PCDHA10: variants seen among roughly 807,000 people sequenced by gnomAD.
PCDHA10 encodes protocadherin alpha-10.
Under a neutral mutation model 61.2 loss-of-function variants are expected in PCDHA10, and 45 were observed. The ratio of observed to expected loss-of-function variants is 0.74; its 90% CI spans 0.58 to 0.94. The LOEUF (loss-of-function observed/expected upper bound fraction) is 0.94, where lower values mean the gene tolerates loss of function less well. Among genes scored for constraint, PCDHA10 ranks in the 40% least tolerant of loss-of-function variants. The pLI, the probability that PCDHA10 is intolerant of heterozygous loss-of-function variation, is 0.00. For missense variants in PCDHA10, 1,278 were observed against 1,236.2 expected (o/e 1.03, Z -0.51); for synonymous variants, 602 against 548.8 (o/e 1.10, Z -1.35).
At chr5:140,972,540 T>C (rs1375467339) in intron 1 of PCDHA10, among the ~76,000 whole-genome samples, 1 of 152,148 alleles carries the variant, frequency 6.6e-6, no homozygotes, top group East Asian at 1.9e-4. Context: ...AAATCACTTG[T>C]GCAGTGAGGA....
At chr5:140,869,037 C>G (rs547872988) in intron 1 of PCDHA10, 1 of 1,528,286 alleles carries the variant, frequency 6.5e-7, no homozygotes, top group African/African-American at 1.4e-5. Context: ...AGATTTTTAA[C>G]CTGAAACTGA....
chr5:140,925,088 A>G (rs536355365), intron 1 of PCDHA10, among the ~76,000 whole-genome samples: 11 of 151,436 alleles, frequency 7.3e-5, no homozygotes, highest in African/African-American at 2.7e-4. Context: ...CTGGAAAGGA[A>G]GGAAGGAAGG....
chr5:140,928,585 G>T, intron 1 of PCDHA10: 1 of 1,614,194 alleles, frequency 6.2e-7, no homozygotes, highest in Non-Finnish European at 8.5e-7. Context: ...AAATGGTTCT[G>T]TCCCAGTGGA....
intron 1 of PCDHA10, among the ~76,000 whole-genome samples, chr5:140,895,233 A>G (rs2064923914): frequency 3.3e-5 from 5 of 152,070 alleles, no homozygotes; most frequent in Admixed American, 2.6e-4. Context: ...GAGTTTTCTC[A>G]TCTCTCTTTT....
rs561529051 is a variant in PCDHA10 at position 140,929,034 on chromosome 5, C to G, written c.2389-49915C>G. On this transcript the variant is annotated intron_variant, in intron 1 of 3. Transcript: ENST00000307360. ...AGTTGCACCAGAGCCCAGGCTGTTGCGCTCAGAGCTGCTGTCGCTCTACAG... is the reference window on the plus strand; with the variant it reads ...AGTTGCACCAGAGCCCAGGCTGTTGGGCTCAGAGCTGCTGTCGCTCTACAG... 2.8e-5 allele frequency: 46 copies of G among 1,614,040 alleles called. No homozygotes were observed. The South Asian group carries it at 4.8e-4, about 17-fold the overall frequency.
chr5:140,858,415 T>C lies in PCDHA10; in HGVS notation c.2367T>C (p.Ile789=). Reference sequence around the variant, plus strand: ...ATGTGGACGGGGAAGATCAGTCTATTGGAGGGGACCACTCTAGGAAGGTGG... The same window carrying C: ...ATGTGGACGGGGAAGATCAGTCTATCGGAGGGGACCACTCTAGGAAGGTGG... The part of the protein sequence containing the change: ...MVDVDGEDQS[I]GGDHSRKPRQ... The change falls in exon 1 of 4, where the codon ATT becomes ATC. Residue 789 remains isoleucine, a synonymous_variant. Transcript: ENST00000307360. 1.9e-6 allele frequency: 3 copies of C among 1,561,830 alleles called. 1 individual carries two copies. The highest frequency in any genetic ancestry group is 2.6e-6 in the Non-Finnish European group (3 of 1,145,536).
intron 1 of PCDHA10, chr5:140,969,445 A>G (rs2096331821): frequency 1.9e-6 from 3 of 1,542,150 alleles, no homozygotes; most frequent in Non-Finnish European, 2.6e-6. Context: ...TATCTGGTAA[A>G]CTGAGTATAT....
intron 1 of PCDHA10, among the ~76,000 whole-genome samples, chr5:140,949,916 A>G (rs1350647225): frequency 6.6e-6 from 1 of 150,834 alleles, no homozygotes; most frequent in African/African-American, 2.4e-5. Flanking sequence ...AGATATAACT[A>G]TTTTTAGATT....
chr5:141,010,612 A>C lies in PCDHA10; in HGVS notation c.*675A>C. Reference sequence around the variant, plus strand: ...GTTGGCTGTGACGTCATTATACCTAAAATCTGCATCATACCTGCAAGCCAA... The same window carrying C: ...GTTGGCTGTGACGTCATTATACCTACAATCTGCATCATACCTGCAAGCCAA... On this transcript the variant is annotated 3_prime_UTR_variant, in exon 4 of 4. Transcript: ENST00000307360. 1 of 196,976 alleles carries C rather than the reference A, an allele frequency of 5.1e-6. No individual in the cohort carries two copies. The highest frequency in any genetic ancestry group is 1.0e-5 in the Non-Finnish European group (1 of 95,484). 12.2% of individuals were successfully genotyped at this position (196,976 alleles called of 1,614,324 possible). A position where few individuals can be genotyped will look rare whatever the true frequency, so the allele number is the denominator to read the frequency against.
At chr5:141,007,933 A>T (rs1168610845) in intron 3 of PCDHA10, among the ~76,000 whole-genome samples, 1 of 152,212 alleles carries the variant, frequency 6.6e-6, no homozygotes, top group African/African-American at 2.4e-5. Context: ...TGGAATTCTA[A>T]GCCACCTTTT....
chr5:140,897,461 A>G (rs1374397258), intron 1 of PCDHA10, among the ~76,000 whole-genome samples: 5 of 151,630 alleles, frequency 3.3e-5, no homozygotes, highest in African/African-American at 4.8e-5. Flanking sequence ...TCCTTGCGAT[A>G]GTTTACTGAG....
chr5:140,920,745 G>T (rs2079798907), intron 1 of PCDHA10, among the ~76,000 whole-genome samples: 1 of 151,878 alleles, frequency 6.6e-6, no homozygotes, highest in Admixed American at 6.6e-5. Flanking sequence ...TCAGGAGGCT[G>T]AGGCAGGAGA....
intron 1 of PCDHA10, among the ~76,000 whole-genome samples, chr5:140,922,795 G>C (rs1393016233): frequency 7.9e-5 from 12 of 152,152 alleles, no homozygotes; most frequent in African/African-American, 2.9e-4. Context: ...TGTAGCTTTG[G>C]AATACAGAAA....
chr5:140,920,054 C>A (rs1332238212), intron 1 of PCDHA10, among the ~76,000 whole-genome samples: 1 of 152,150 alleles, frequency 6.6e-6, no homozygotes, highest in Non-Finnish European at 1.5e-5. Context: ...CAGCCACCAA[C>A]ACCTGGAAAA....
At chr5:141,005,701 CAAA>C (rs59860837) in intron 3 of PCDHA10, among the ~76,000 whole-genome samples, 30 of 7,778 alleles carry the variant, frequency 3.9e-3, no homozygotes, top group African/African-American at 0.012. Context: ...AACTCCGTCT[CAAA>C]AAAAAAAAAA....
At chr5:140,940,822 A>G (rs1446773813) in intron 1 of PCDHA10, among the ~76,000 whole-genome samples, 9 of 152,200 alleles carry the variant, frequency 5.9e-5, no homozygotes, top group Admixed American at 3.9e-4. Context: ...GAGATCTTGG[A>G]TGGAAATACC....
chr5:140,884,766 T>G, intron 1 of PCDHA10: 1 of 1,416,492 alleles, frequency 7.1e-7, no homozygotes, highest in Non-Finnish European at 9.3e-7. Context: ...TTCTTTACTT[T>G]AATTTTAATT....
At chr5:141,003,324 C>T (rs909788744) in intron 3 of PCDHA10, among the ~76,000 whole-genome samples, 4 of 152,132 alleles carry the variant, frequency 2.6e-5, no homozygotes, top group African/African-American at 9.7e-5. Flanking sequence ...TTCCAGAGGG[C>T]AGGGTTTTTT....
chr5:140,967,234 G>A (rs781912172), intron 1 of PCDHA10: 3 of 1,613,746 alleles, frequency 1.9e-6, no homozygotes, highest in South Asian at 1.1e-5. Context: ...ACCAGCTTCA[G>A]GTAAGCGAAT....
Sources: allele counts gnomAD v4.1 joint callset (sites outside exome capture counted in the v4.1 genomes callset), GRCh38; gene constraint gnomAD v4.1.1; transcripts MANE v1.5; gene names NCBI Gene and HGNC (gene_info 2026-07-23, HGNC 2026-07-21).